BIRC6: variants seen among roughly 807,000 people sequenced by gnomAD.
BIRC6 encodes baculoviral IAP repeat containing 6.
In BIRC6, 98 loss-of-function variants were observed where a neutral mutation model predicts 503.3. The observed-to-expected ratio is 0.19, with a 90% CI of 0.17 to 0.23. The LOEUF is 0.23. BIRC6 is among the 10% of genes least tolerant of loss of function. The pLI is 1.00. For missense variants in BIRC6, 5,360 were observed against 5,806.0 expected, an observed-to-expected ratio of 0.92 and a Z score of 2.50; for synonymous variants, 2,240 against 2,078.7, an observed-to-expected ratio of 1.08 and a Z score of -2.11.
In BIRC6 at chr2:32,447,371, C is replaced by T. The variant is rs1226238230; in HGVS notation, c.4485-1424C>T. Reference sequence around the variant, plus strand: ...TCACCTCCCGGATGGGGCGGCTGGCCGGGCGGGGGGCTGATCCCCCCACCT... The same window carrying T: ...TCACCTCCCGGATGGGGCGGCTGGCTGGGCGGGGGGCTGATCCCCCCACCT... On this transcript the variant is annotated intron_variant, in intron 21 of 73. Transcript: ENST00000421745. 1.8e-4 allele frequency among the ~76,000 whole-genome samples: 27 copies of T among 149,064 alleles called. 1 individual carries two copies. The highest frequency in any genetic ancestry group is 8.0e-4 in the Admixed American group (12 of 14,958).
At chr2:32,608,366 G>A (rs12473941) in intron 72 of BIRC6, among the ~76,000 whole-genome samples, 24,852 of 151,850 alleles carry the variant, frequency 0.16, 2,280 homozygotes, top group Admixed American at 0.24. Flanking sequence ...AAATTTTTGA[G>A]AAGTTTTTTT....
chr2:32,459,013 G>C (rs1187376806), intron 23 of BIRC6, among the ~76,000 whole-genome samples: 1 of 152,040 alleles, frequency 6.6e-6, no homozygotes, highest in Non-Finnish European at 1.5e-5. Context: ...CGTAACAATA[G>C]TCTTAGTGTT....
chr2:32,508,182 C>T lies in BIRC6; in HGVS notation c.9903C>T (p.Leu3301=), dbSNP rs1175446813. The change falls in exon 51 of 74, where the codon CTC becomes CTT. Residue 3301 remains leucine (L), a synonymous_variant. Transcript: ENST00000421745. The stretch of plus-strand genomic sequence containing the variant: ...TTTCACAAATTAAATTATTGGGGCT[C>T]ACTGCTTTTGGTACCACCTCTTCTG... The part of the protein sequence containing the change: ...LGLSQIKLLG[L]TAFGTTSSAT... 2 of 1,612,854 alleles carry T rather than the reference C, an allele frequency of 1.2e-6. No individual in the cohort carries two copies. The highest frequency in any genetic ancestry group is 2.2e-5 in the East Asian group (1 of 44,808).
intron 10 of BIRC6, among the ~76,000 whole-genome samples, chr2:32,427,576 G>A (rs2043662263): frequency 6.6e-6 from 1 of 152,150 alleles, no homozygotes; most frequent in Non-Finnish European, 1.5e-5. Context: ...GTGAGCCACT[G>A]CTCCTGGCCT....
At chr2:32,413,823 T>C (rs532434062) in intron 9 of BIRC6, among the ~76,000 whole-genome samples, 38 of 152,170 alleles carry the variant, frequency 2.5e-4, no homozygotes, top group Non-Finnish European at 4.1e-4. Context: ...GTTTTGCTTA[T>C]AACCTATGCA....
At chr2:32,513,963 T>C (rs2054722275) in intron 54 of BIRC6, among the ~76,000 whole-genome samples, 1 of 151,062 alleles carries the variant, frequency 6.6e-6, no homozygotes, top group Non-Finnish European at 1.5e-5. Flanking sequence ...TCCAGCTACT[T>C]GGGAGGCTGA....
chr2:32,433,810 A>G lies in BIRC6; in HGVS notation c.3409+6A>G, dbSNP rs180808289. The G allele has an allele frequency of 3.0e-4, 452 of 1,511,786 alleles. 2 individuals are homozygous for G. Among genetic ancestry groups the G allele is most frequent in the Non-Finnish European group, 9.3e-5 (104 of 1,113,240 alleles). 93.6% of individuals were successfully genotyped at this position (1,511,786 alleles called of 1,614,324 possible). On this transcript the variant is annotated splice_donor_region_variant and intron_variant, in intron 13 of 73. Transcript: ENST00000421745. The stretch of plus-strand genomic sequence containing the variant: ...AGGATTAGGGAAAGTCAATGGTAAG[A>G]ATGTATCAAAATTTATCTTTGAAGA...
intron 6 of BIRC6, among the ~76,000 whole-genome samples, chr2:32,399,354 G>A (rs1432741761): frequency 2.0e-5 from 3 of 152,236 alleles, no homozygotes. Flanking sequence ...CCAAAGTGGT[G>A]GGATTACAGG....
In BIRC6 at chr2:32,503,074, A is replaced by G. The variant is rs978050519; in HGVS notation, c.9337A>G (p.Thr3113Ala). Residue 3113 changes from threonine (T) to alanine (A), a missense_variant, in exon 49 of 74, where the codon ACT (threonine) becomes GCT (alanine). By Grantham distance (58) the Thr-to-Ala change is moderately conservative (BLOSUM62 0). Coordinates refer to ENST00000421745, the MANE Select transcript of BIRC6 (RefSeq NM_016252.4). ...TCAGCTCATATGCAATAATATGGTT[A>G]CTAGTACAAGGGCTATTGTGAACAC... The part of the protein sequence containing the change: ...GVQLICNNMV[T>A]STRAIVNTAR... The G allele has an allele frequency of 8.1e-6, 13 of 1,606,426 alleles. No individual in the cohort carries two copies. Among genetic ancestry groups the G allele is most frequent in the Non-Finnish European group, 1.1e-5 (13 of 1,176,450 alleles).
At chr2:32,547,126 T>A (rs932510522) in intron 63 of BIRC6, among the ~76,000 whole-genome samples, 1 of 152,212 alleles carries the variant, frequency 6.6e-6, no homozygotes, top group Admixed American at 6.5e-5. Context: ...AATTATAAAA[T>A]GTATATAAAC....
chr2:32,420,136 G>T (rs577597384), intron 10 of BIRC6, among the ~76,000 whole-genome samples: 9 of 152,264 alleles, frequency 5.9e-5, no homozygotes, highest in Non-Finnish European at 8.8e-5. Flanking sequence ...GTTCATCAGG[G>T]ATATTATATG....
In BIRC6 at chr2:32,414,825, A is replaced by G. The variant is rs995998584; in HGVS notation, c.1534A>G (p.Ile512Val). 3.1e-6 allele frequency: 5 copies of G among 1,614,024 alleles called. No homozygotes were observed. The African/African-American group carries it at 5.3e-5, about 17-fold the overall frequency. ...AAGCCTTGATATAACAGCACTCAGC[A>G]TTCTCCAACAGCCAGAAAAACTTCA... ...EVSLDITALS[I>V]LQQPEKLQWE... Residue 512 changes from isoleucine (I) to valine (V), a missense_variant, in exon 10 of 74, where the codon ATT (isoleucine) becomes GTT (valine). Physicochemically the swap from Ile to Val is conservative, Grantham distance 29. This residue lies in a region of BIRC6 where 700 missense variants were observed against 739.3 expected (regional missense o/e 0.95). Coordinates refer to ENST00000421745, the MANE Select transcript of BIRC6 (RefSeq NM_016252.4).
chr2:32,412,554 T>C (rs2042003390), intron 9 of BIRC6, among the ~76,000 whole-genome samples: 1 of 151,990 alleles, frequency 6.6e-6, no homozygotes, highest in Non-Finnish European at 1.5e-5. Context: ...TAATGTAATG[T>C]AGTTGTGTGG....
chr2:32,586,162 G>GT (rs910176135), intron 66 of BIRC6, among the ~76,000 whole-genome samples: 9 of 151,560 alleles, frequency 5.9e-5, no homozygotes, highest in Non-Finnish European at 1.0e-4. Flanking sequence ...ATTCACGCTT[G>GT]TATAATGGCT....
chr2:32,378,729 T>C (rs978213169), intron 2 of BIRC6, among the ~76,000 whole-genome samples: 7 of 152,212 alleles, frequency 4.6e-5, no homozygotes, highest in African/African-American at 1.2e-4. Context: ...AGTGCTGGGA[T>C]TATAGGCGTG....
chr2:32,465,241 T>A, intron 26 of BIRC6, 77 bp downstream of exon 26: 3 of 565,896 alleles, frequency 5.3e-6, no homozygotes, highest in Non-Finnish European at 8.5e-6. Flanking sequence ...TCATTATTCT[T>A]CAGTTCGATT....
intron 57 of BIRC6, 34 bp from the exon 58 acceptor site, chr2:32,524,854 A>T (rs2056117158): frequency 1.5e-5 from 20 of 1,293,936 alleles, no homozygotes; most frequent in Non-Finnish European, 2.0e-5. Flanking sequence ...ATGATTTGGA[A>T]AAGCAGTGTA....
chr2:32,543,690 T>C (rs1204675480), intron 62 of BIRC6, 149 bp downstream of exon 62: 1 of 742,676 alleles, frequency 1.3e-6, no homozygotes, highest in South Asian at 1.9e-5. Context: ...GTATTAGTTA[T>C]ACATAATAAA....
At chr2:32,484,389 T>C (rs1040983072) in intron 39 of BIRC6, among the ~76,000 whole-genome samples, 2 of 151,846 alleles carry the variant, frequency 1.3e-5, no homozygotes, top group African/African-American at 4.8e-5. Flanking sequence ...CCATCTCTAC[T>C]ACAAATATAA....
Sources: gnomAD v4.1 joint callset for allele counts (sites outside exome capture counted in the v4.1 genomes callset) on GRCh38, gnomAD v4.1.1 for gene constraint, gnomAD v4.1.1 regional missense constraint, MANE v1.5 for transcripts, NCBI Gene and HGNC (gene_info 2026-07-23, HGNC 2026-07-21) for gene names.